Variants in ADCY2 observed in about 807,000 individuals in gnomAD.
ADCY2 encodes the protein adenylate cyclase 2.
A neutral mutation model predicts 125.2 loss-of-function variants in ADCY2; 31 were observed. The ratio of observed to expected loss-of-function variants is 0.25; its 90% CI spans 0.19 to 0.33. The LOEUF (loss-of-function observed/expected upper bound fraction) is 0.33, where lower values mean the gene tolerates loss of function less well. Among genes scored for constraint, ADCY2 ranks in the 10% least tolerant of loss-of-function variants. The probability of loss-of-function intolerance (pLI) is 1.00; values close to 1 mark genes in which losing one functional copy is unlikely to be tolerated. For synonymous variants in ADCY2, 512 were observed against 548.4 expected, an observed-to-expected ratio of 0.93 and a Z score of 0.93; for missense variants, 904 against 1,418.2, an observed-to-expected ratio of 0.64 and a Z score of 5.82.
At chr5:7,791,982 G>T (rs1034395539) in intron 20 of ADCY2, among the ~76,000 whole-genome samples, 2 of 151,978 alleles carry the variant, frequency 1.3e-5, no homozygotes, top group Non-Finnish European at 2.9e-5. Context: ...AACATTTCAG[G>T]CTCCAAGGGG....
chr5:7,568,982 T>C (rs907225011), intron 3 of ADCY2, among the ~76,000 whole-genome samples: 17 of 152,138 alleles, frequency 1.1e-4, no homozygotes, highest in African/African-American at 3.9e-4. Context: ...GTTTGTCAAA[T>C]AGACTAACAA....
intron 3 of ADCY2, among the ~76,000 whole-genome samples, chr5:7,564,492 G>A (rs1199334800): frequency 1.3e-5 from 2 of 152,124 alleles, no homozygotes; most frequent in African/African-American, 4.8e-5. Context: ...GGCCTGGGAG[G>A]CATGGAGAGG....
intron 2 of ADCY2, among the ~76,000 whole-genome samples, chr5:7,420,603 T>G (rs931976392): frequency 9.2e-5 from 14 of 152,224 alleles, no homozygotes; most frequent in Non-Finnish European, 1.5e-5. Flanking sequence ...TTCCCTCTGC[T>G]CTGTGCTACT....
chr5:7,783,281 A>G (rs1743974708), intron 18 of ADCY2, among the ~76,000 whole-genome samples: 2 of 152,138 alleles, frequency 1.3e-5, no homozygotes, highest in African/African-American at 2.4e-5. Context: ...ATTTGGAAAG[A>G]GTTTCCTATG....
At chr5:7,723,187 C>T (rs911260236) in intron 12 of ADCY2, among the ~76,000 whole-genome samples, 1 of 152,034 alleles carries the variant, frequency 6.6e-6, no homozygotes, top group Admixed American at 6.5e-5. Context: ...GCAAAAATAA[C>T]TAATCGGTAC....
chr5:7,700,741 A>G, intron 7 of ADCY2, among the ~76,000 whole-genome samples: 1 of 117,074 alleles, frequency 8.5e-6, no homozygotes, highest in East Asian at 2.9e-4. Flanking sequence ...ACACACACAC[A>G]CACACACACA....
At chr5:7,645,676 G>GA (rs941678550) in intron 4 of ADCY2, among the ~76,000 whole-genome samples, 1 of 151,790 alleles carries the variant, frequency 6.6e-6, no homozygotes, top group Non-Finnish European at 1.5e-5. Flanking sequence ...TGTTTATGTT[G>GA]AAAAAAAATG....
intron 2 of ADCY2, among the ~76,000 whole-genome samples, chr5:7,465,867 T>G (rs892467664): frequency 6.6e-6 from 1 of 152,196 alleles, no homozygotes; most frequent in Non-Finnish European, 1.5e-5. Flanking sequence ...GTGTTACATT[T>G]GCATGTTTTT....
intron 14 of ADCY2, among the ~76,000 whole-genome samples, chr5:7,734,395 A>G (rs372118268): frequency 6.6e-6 from 1 of 152,158 alleles, no homozygotes; most frequent in Non-Finnish European, 1.5e-5. Flanking sequence ...TTGACTGGGA[A>G]AAAAAGCAGA....
chr5:7,491,492 A>T (rs1743163261), intron 2 of ADCY2, among the ~76,000 whole-genome samples: 1 of 152,246 alleles, frequency 6.6e-6, no homozygotes, highest in Non-Finnish European at 1.5e-5. Flanking sequence ...AATGCTAATT[A>T]TATAAAATTG....
At chr5:7,419,900 G>T (rs1301579019) in intron 2 of ADCY2, among the ~76,000 whole-genome samples, 2 of 152,146 alleles carry the variant, frequency 1.3e-5, no homozygotes, top group Non-Finnish European at 2.9e-5. Context: ...TCACTCATTC[G>T]TTTATGAGCG....
At chr5:7,789,472 A>ACTGAAGGACAT (rs1744187659) in intron 19 of ADCY2, among the ~76,000 whole-genome samples, 170 bp from the exon 20 acceptor site, 1 of 152,166 alleles carries the variant, frequency 6.6e-6, no homozygotes, top group South Asian at 2.1e-4. Context: ...TCAGAGGTTG[A>ACTGAAGGACAT]CTGAAGGACA....
intron 2 of ADCY2, among the ~76,000 whole-genome samples, chr5:7,495,279 C>CCCTT (rs1368430430): frequency 2.6e-5 from 4 of 152,154 alleles, no homozygotes; most frequent in Non-Finnish European, 4.4e-5. Flanking sequence ...GGAACTTGTG[C>CCCTT]CCTTGTTCCT....
chr5:7,674,165 T>G (rs1173697733), intron 4 of ADCY2, among the ~76,000 whole-genome samples: 1 of 152,102 alleles, frequency 6.6e-6, no homozygotes, highest in African/African-American at 2.4e-5. Flanking sequence ...TCCTTGCACT[T>G]GTGGTGGTGG....
intron 19 of ADCY2, among the ~76,000 whole-genome samples, chr5:7,789,321 T>C (rs774435614): frequency 6.6e-6 from 1 of 152,232 alleles, no homozygotes; most frequent in African/African-American, 2.4e-5. Context: ...TATTCTACAA[T>C]TGCCTCTTTT....
At chr5:7,548,914 G>A (rs1735237897) in intron 3 of ADCY2, among the ~76,000 whole-genome samples, 1 of 152,194 alleles carries the variant, frequency 6.6e-6, no homozygotes, top group Non-Finnish European at 1.5e-5. Context: ...AGAGATAGTA[G>A]GCTGAGTGCA....
At chr5:7,784,770 T>C (rs1744033102) in intron 19 of ADCY2, among the ~76,000 whole-genome samples, 1 of 145,376 alleles carries the variant, frequency 6.9e-6, no homozygotes, top group South Asian at 2.5e-4. Context: ...ACTGACACTA[T>C]TTGAAAAAAA....
intron 3 of ADCY2, among the ~76,000 whole-genome samples, chr5:7,603,730 C>A (rs1737295585): frequency 8.2e-6 from 1 of 122,122 alleles, no homozygotes; most frequent in African/African-American, 3.1e-5. Context: ...AGTGAAGGTT[C>A]CAGTATGGCA....
intron 16 of ADCY2, among the ~76,000 whole-genome samples, chr5:7,761,847 A>G (rs1743229028): frequency 6.6e-6 from 1 of 152,202 alleles, no homozygotes; most frequent in South Asian, 2.1e-4. Flanking sequence ...CATTCTTTCA[A>G]CAGTAGCTAC....
Sources: allele counts gnomAD v4.1 joint callset (sites outside exome capture counted in the v4.1 genomes callset), GRCh38; gene constraint gnomAD v4.1.1; transcripts MANE v1.5; gene names NCBI Gene and HGNC (gene_info 2026-07-23, HGNC 2026-07-21).